The following SCN7A variants were observed in gnomAD, a reference collection of about 807,000 sequenced individuals.
SCN7A encodes the protein sodium channel protein type 7 subunit alpha.
In SCN7A, 138 loss-of-function variants were observed where a neutral mutation model predicts 155.2. The ratio of observed to expected loss-of-function variants is 0.89; its 90% CI spans 0.77 to 1.02. The LOEUF (loss-of-function observed/expected upper bound fraction) is 1.02, where lower values mean the gene tolerates loss of function less well. SCN7A is among the 50% of genes least tolerant of loss of function. SCN7A has a pLI of 0.00. For synonymous variants in SCN7A, 693 were observed against 649.0 expected (o/e 1.07, Z -1.03); for missense variants, 2,058 against 1,986.6 (o/e 1.04, Z -0.68).
chr2:166,425,610 C>T (rs1027900621), intron 18 of SCN7A, among the ~76,000 whole-genome samples: 7 of 152,170 alleles, frequency 4.6e-5, no homozygotes, highest in South Asian at 2.1e-4. Context: ...CTAGTGACTA[C>T]TTATACACTT....
chr2:166,474,377 A>T, intron 3 of SCN7A, 33 bp from the exon 4 acceptor site: 1 of 971,012 alleles, frequency 1.0e-6, no homozygotes, highest in Non-Finnish European at 1.5e-6. Flanking sequence ...GTGAAATTAG[A>T]ACTCAGAACC....
chr2:166,471,814 G>A (rs924128832), intron 6 of SCN7A, among the ~76,000 whole-genome samples: 1 of 151,526 alleles, frequency 6.6e-6, no homozygotes, highest in African/African-American at 2.4e-5. Context: ...AACGTAGATT[G>A]GGAATTGAGA....
chr2:166,411,802 T>A (rs1407424869), intron 23 of SCN7A, among the ~76,000 whole-genome samples: 1 of 151,876 alleles, frequency 6.6e-6, no homozygotes, highest in African/African-American at 2.4e-5. Context: ...ATAAGGAGAG[T>A]CTACTGTACC....
chr2:166,475,041 T>TAC (rs1490628246), intron 3 of SCN7A, among the ~76,000 whole-genome samples: 3 of 143,246 alleles, frequency 2.1e-5, no homozygotes, highest in Non-Finnish European at 1.5e-5. Flanking sequence ...TATATATATA[T>TAC]ACCTGTAAAT....
chr2:166,448,602 C>T (rs1455017046), intron 11 of SCN7A, among the ~76,000 whole-genome samples: 2 of 152,138 alleles, frequency 1.3e-5, no homozygotes, highest in African/African-American at 4.8e-5. Context: ...TGGGTTTTAT[C>T]ACTTGCCAAT....
chr2:166,451,975 T>C (rs918709848), intron 11 of SCN7A, among the ~76,000 whole-genome samples: 9 of 152,106 alleles, frequency 5.9e-5, no homozygotes, highest in African/African-American at 2.2e-4. Flanking sequence ...AGATAAAATA[T>C]TAAAAATATA....
intron 25 of SCN7A, among the ~76,000 whole-genome samples, chr2:166,408,847 C>A (rs1024257005): frequency 1.3e-5 from 2 of 151,986 alleles, no homozygotes; most frequent in Admixed American, 6.6e-5. Flanking sequence ...TATGTGGAAA[C>A]AGACAAACTT....
rs147578072 is a variant in SCN7A, at chr2:166,429,807, G to C, written c.2593-533C>G. Among the ~76,000 whole-genome samples the C allele has an allele frequency of 2.6e-3, 392 of 152,050 alleles. 2 individuals carry two copies. The highest frequency in any genetic ancestry group is 9.0e-3 in the African/African-American group (374 of 41,518). ...GGAAAGGCACAAGAAATAGGGACAA[G>C]AACAGGCCTGGGAAAGGGGCACAGC... On this transcript the variant is annotated intron_variant, in intron 16 of 25. Coordinates refer to ENST00000643258, the MANE Select transcript of SCN7A (RefSeq NM_002976.4).
intron 21 of SCN7A, among the ~76,000 whole-genome samples, chr2:166,415,230 T>C (rs1701349603): frequency 6.7e-6 from 1 of 149,918 alleles, no homozygotes; most frequent in African/African-American, 2.4e-5. Context: ...TCTCTTTTTT[T>C]TTTTTTTTTC....
chr2:166,413,819 C>T (rs376011168), intron 21 of SCN7A, among the ~76,000 whole-genome samples: 2 of 150,088 alleles, frequency 1.3e-5, no homozygotes, highest in East Asian at 2.0e-4. Context: ...GTGCTGGATG[C>T]TTCCTGCCCT....
At chr2:166,484,149 G>A (rs114182132) in intron 2 of SCN7A, among the ~76,000 whole-genome samples, 4 of 151,978 alleles carry the variant, frequency 2.6e-5, no homozygotes, top group East Asian at 3.9e-4. Context: ...TCACAGTGAA[G>A]GCTATAAAAT....
chr2:166,450,922 C>T (rs1225980391), intron 11 of SCN7A, among the ~76,000 whole-genome samples: 2 of 152,090 alleles, frequency 1.3e-5, no homozygotes, highest in Non-Finnish European at 2.9e-5. Context: ...TCCAAATTTT[C>T]GTGAGATTAA....
intron 11 of SCN7A, among the ~76,000 whole-genome samples, chr2:166,453,626 C>T (rs1702220022): frequency 6.6e-6 from 1 of 152,152 alleles, no homozygotes; most frequent in East Asian, 1.9e-4. Flanking sequence ...TTTAGAAAAG[C>T]TAACAAACTT....
chr2:166,492,513 TA>T (rs1683136214), intron 1 of SCN7A, among the ~76,000 whole-genome samples: 2 of 152,202 alleles, frequency 1.3e-5, no homozygotes, highest in African/African-American at 4.8e-5. Flanking sequence ...AGAAAGAGGG[TA>T]AAGCATATTT....
At chr2:166,414,002 T>TATAA (rs1443391022) in intron 21 of SCN7A, among the ~76,000 whole-genome samples, 14 of 90,314 alleles carry the variant, frequency 1.6e-4, no homozygotes, top group African/African-American at 5.0e-4. Context: ...TATATATATA[T>TATAA]AAATATACTA....
chr2:166,432,780 A>G (rs780323128), intron 15 of SCN7A, 28 bp from the exon 16 acceptor site: 2 of 1,443,192 alleles, frequency 1.4e-6, no homozygotes, highest in Non-Finnish European at 1.8e-6. Flanking sequence ...ATGAGGCTAA[A>G]TGTATCTCAT....
intron 9 of SCN7A, among the ~76,000 whole-genome samples, chr2:166,464,170 G>GTA (rs758242022): frequency 5.3e-5 from 8 of 150,276 alleles, no homozygotes; most frequent in Admixed American, 1.3e-4. Flanking sequence ...ACATATGTGT[G>GTA]TATATATATG....
intron 9 of SCN7A, among the ~76,000 whole-genome samples, chr2:166,462,767 G>T (rs1451107870): frequency 6.6e-6 from 1 of 152,096 alleles, no homozygotes; most frequent in African/African-American, 2.4e-5. Flanking sequence ...AGTGGTTTTT[G>T]CCAAGCTATT....
At chr2:166,448,081 T>C (rs1702104809) in intron 11 of SCN7A, among the ~76,000 whole-genome samples, 1 of 152,174 alleles carries the variant, frequency 6.6e-6, no homozygotes, top group African/African-American at 2.4e-5. Flanking sequence ...ATATTTTTTG[T>C]AGCCATTGGC....
Sources: allele counts gnomAD v4.1 joint callset (sites outside exome capture counted in the v4.1 genomes callset), GRCh38; gene constraint gnomAD v4.1.1; transcripts MANE v1.5; gene names NCBI Gene and HGNC (gene_info 2026-07-23, HGNC 2026-07-21).